The following EPB41L4A variants were observed in gnomAD, a reference collection of about 807,000 sequenced individuals.
The protein encoded by EPB41L4A is erythrocyte membrane protein band 4.1 like 4A.
In EPB41L4A, 100 loss-of-function variants were observed where a neutral mutation model predicts 108.6. That is an observed-to-expected ratio of 0.92 (90% CI 0.78 to 1.09). The LOEUF (loss-of-function observed/expected upper bound fraction) is 1.09, where lower values mean the gene tolerates loss of function less well. Ranked by LOEUF, EPB41L4A falls within the 50% of genes least tolerant of loss-of-function variation. The pLI is 0.00. For synonymous variants in EPB41L4A, 319 were observed against 289.0 expected, an observed-to-expected ratio of 1.10 and a Z score of -1.05; for missense variants, 1,030 against 842.7, an observed-to-expected ratio of 1.22 and a Z score of -2.75.
chr5:112,275,556 C>T (rs147932511), intron 3 of EPB41L4A, 152 bp from the exon 4 acceptor site: 19 of 956,206 alleles, frequency 2.0e-5, no homozygotes, highest in African/African-American at 3.3e-5. Context: ...AGAACTGTGA[C>T]GATAGGACCT....
At chr5:112,234,547 G>A in intron 12 of EPB41L4A, 87 bp downstream of exon 12, 1 of 1,286,374 alleles carries the variant, frequency 7.8e-7, no homozygotes, top group Non-Finnish European at 1.1e-6. Flanking sequence ...AGACTGTAGA[G>A]TTATAGACAT....
chr5:112,238,093 A>G (rs1749485610), intron 11 of EPB41L4A, among the ~76,000 whole-genome samples: 1 of 152,202 alleles, frequency 6.6e-6, no homozygotes, highest in African/African-American at 2.4e-5. Flanking sequence ...TATGTTAAAG[A>G]GGATAATTAC....
At chr5:112,293,745 G>A (rs1475310387) in intron 2 of EPB41L4A, among the ~76,000 whole-genome samples, 1 of 152,126 alleles carries the variant, frequency 6.6e-6, no homozygotes, top group Non-Finnish European at 1.5e-5. Context: ...GGAGCCGTTT[G>A]GGAGGCTCCC....
Position 112,205,519 on chromosome 5 carries a change from A to T in EPB41L4A, c.1179-15T>A, listed in dbSNP as rs758788776. ...CTTTCTTAAAGCTTTAATTTTAAAAAAAAGTATGAGAAATAAATTAAGTAG... is the reference window on the plus strand; with the variant it reads ...CTTTCTTAAAGCTTTAATTTTAAAATAAAGTATGAGAAATAAATTAAGTAG... On this transcript the variant is annotated splice_polypyrimidine_tract_variant and intron_variant, in intron 13 of 22. Coordinates refer to ENST00000261486, the MANE Select transcript of EPB41L4A (RefSeq NM_022140.5). 1.3e-6 allele frequency: 2 copies of T among 1,554,642 alleles called. No individual in the cohort carries two copies. The highest frequency in any genetic ancestry group is 1.8e-6 in the Non-Finnish European group (2 of 1,138,810).
chr5:112,417,289 T>G (rs1762772249), intron 1 of EPB41L4A, among the ~76,000 whole-genome samples: 1 of 152,324 alleles, frequency 6.6e-6, no homozygotes, highest in East Asian at 1.9e-4. Flanking sequence ...CAGAATAATG[T>G]ACACGCTCTA....
chr5:112,322,048 CATCT>C (rs1198922080), intron 1 of EPB41L4A, among the ~76,000 whole-genome samples: 4 of 152,176 alleles, frequency 2.6e-5, no homozygotes, highest in Non-Finnish European at 5.9e-5. Flanking sequence ...GTAACAATAA[CATCT>C]ATCAGCACAT....
chr5:112,391,191 C>G (rs1386399971), intron 1 of EPB41L4A, among the ~76,000 whole-genome samples: 1 of 152,172 alleles, frequency 6.6e-6, no homozygotes, highest in Non-Finnish European at 1.5e-5. Context: ...AGCTCCTCGC[C>G]AGCAACAGAA....
At chr5:112,287,474 T>C (rs1332236522) in intron 2 of EPB41L4A, among the ~76,000 whole-genome samples, 5 of 152,238 alleles carry the variant, frequency 3.3e-5, no homozygotes, top group Admixed American at 2.6e-4. Flanking sequence ...TTACTTGGAT[T>C]TCTTCAACAA....
At chr5:112,407,996 T>G (rs914147668) in intron 1 of EPB41L4A, among the ~76,000 whole-genome samples, 14 of 152,206 alleles carry the variant, frequency 9.2e-5, no homozygotes, top group African/African-American at 3.4e-4. Flanking sequence ...GTTTTCTCTG[T>G]TGAATTACCC....
At position 112,259,983 on chromosome 5, in the gene EPB41L4A, C is replaced by G. The variant is rs1450639627; in HGVS notation, c.643-4G>C. On this transcript the variant is annotated splice_polypyrimidine_tract_variant and splice_region_variant and intron_variant, in intron 7 of 22. Transcript: ENST00000261486. ...AATACTCAGACTTGTTTTCTCCCTGCAAAAACAAACATATGCCTATAACCA... is the reference window on the plus strand; with the variant it reads ...AATACTCAGACTTGTTTTCTCCCTGGAAAAACAAACATATGCCTATAACCA... 6.2e-7 allele frequency: 1 copy of G among 1,600,450 alleles called. No individual in the cohort carries two copies. The highest frequency in any genetic ancestry group is 1.1e-5 in the South Asian group (1 of 90,788).
At chr5:112,340,240 C>T (rs1026825865) in intron 1 of EPB41L4A, among the ~76,000 whole-genome samples, 4 of 152,184 alleles carry the variant, frequency 2.6e-5, no homozygotes, top group African/African-American at 9.6e-5. Flanking sequence ...CCAACTTGAC[C>T]TCTCTGTAGC....
rs367911017 is a variant in EPB41L4A, at chr5:112,273,561, G to A, written c.335+1765C>T. ...AAAGGATAGAATGAAATAAGTATTA[G>A]CATTCATCAAACATAGTACGAGACA... On this transcript the variant is annotated intron_variant, in intron 4 of 22. Coordinates refer to ENST00000261486, the MANE Select transcript of EPB41L4A (RefSeq NM_022140.5). 4.8e-4 allele frequency among the ~76,000 whole-genome samples: 73 copies of A among 152,246 alleles called. 3 individuals are homozygous for A. In the South Asian group the frequency reaches 0.015, roughly 31 times the overall value.
intron 12 of EPB41L4A, among the ~76,000 whole-genome samples, chr5:112,224,196 C>T (rs1300365123): frequency 2.6e-5 from 4 of 152,068 alleles, no homozygotes; most frequent in Admixed American, 6.5e-5. Context: ...GTGATCCACC[C>T]ACCTCAGCCT....
chr5:112,191,956 G>A (rs1184348610), intron 17 of EPB41L4A: 4 of 152,218 alleles, frequency 2.6e-5, no homozygotes, highest in African/African-American at 7.2e-5. Flanking sequence ...ATGGGCAAGA[G>A]GTAGAACATC....
intron 18 of EPB41L4A, among the ~76,000 whole-genome samples, chr5:112,179,425 T>C (rs1012278385): frequency 3.3e-5 from 5 of 151,906 alleles, no homozygotes; most frequent in Non-Finnish European, 5.9e-5. Context: ...AAGAAAAAAA[T>C]CTTAACAAGG....
intron 12 of EPB41L4A, among the ~76,000 whole-genome samples, chr5:112,220,467 T>C (rs1747969332): frequency 1.3e-5 from 2 of 152,290 alleles, no homozygotes; most frequent in Admixed American, 1.3e-4. Context: ...CTCTTTTCTT[T>C]TGCAAAATGG....
intron 1 of EPB41L4A, among the ~76,000 whole-genome samples, chr5:112,412,915 T>C (rs1762495734): frequency 6.6e-6 from 1 of 152,254 alleles, no homozygotes; most frequent in Non-Finnish European, 1.5e-5. Context: ...TTAATGTATT[T>C]ACACCATCTT....
chr5:112,175,166 A>G (rs987921354), intron 18 of EPB41L4A: 11 of 152,234 alleles, frequency 7.2e-5, no homozygotes, highest in African/African-American at 2.4e-4. Context: ...AAATAGTAAG[A>G]TATTATCACC....
At chr5:112,302,451 G>C (rs756186819) in intron 2 of EPB41L4A, among the ~76,000 whole-genome samples, 1 of 152,166 alleles carries the variant, frequency 6.6e-6, no homozygotes, top group Admixed American at 6.5e-5. Flanking sequence ...TGAGATACAT[G>C]AGAGGCATCC....
Sources: gnomAD v4.1 joint callset for allele counts (sites outside exome capture counted in the v4.1 genomes callset) on GRCh38, gnomAD v4.1.1 for gene constraint, MANE v1.5 for transcripts, NCBI Gene and HGNC (gene_info 2026-07-23, HGNC 2026-07-21) for gene names.